Variants in THSD4 observed in about 807,000 individuals in gnomAD.
THSD4 encodes thrombospondin type 1 domain containing 4.
In THSD4, 69 loss-of-function variants were observed where a neutral mutation model predicts 119.0. The ratio of observed to expected loss-of-function variants is 0.58; its 90% CI spans 0.48 to 0.71. The LOEUF (loss-of-function observed/expected upper bound fraction) is 0.71, where lower values mean the gene tolerates loss of function less well. Ranked by LOEUF, THSD4 falls within the 30% of genes least tolerant of loss-of-function variation. The pLI, the probability that THSD4 is intolerant of heterozygous loss-of-function variation, is 0.00. For synonymous variants in THSD4, 524 were observed against 540.4 expected (o/e 0.97, Z 0.42); for missense variants, 1,393 against 1,391.1 (o/e 1.00, Z -0.02).
chr15:71,126,645 A>AATTT (rs2141357695), intron 1 of THSD4, among the ~76,000 whole-genome samples: 1 of 152,382 alleles, frequency 6.6e-6, no homozygotes, highest in Non-Finnish European at 1.5e-5. Context: ...GAGATGTGGG[A>AATTT]ATATCTCACA....
At chr15:71,521,609 T>C (rs1468430979) in intron 7 of THSD4, among the ~76,000 whole-genome samples, 1 of 152,164 alleles carries the variant, frequency 6.6e-6, no homozygotes, top group African/African-American at 2.4e-5. Flanking sequence ...CATGAACTTC[T>C]CTGCCAAATG....
intron 7 of THSD4, among the ~76,000 whole-genome samples, chr15:71,486,795 T>C (rs1162304305): frequency 6.6e-6 from 1 of 152,018 alleles, no homozygotes; most frequent in African/African-American, 2.4e-5. Flanking sequence ...AATTTTGGAG[T>C]GTGAGCTAGT....
At position 71,251,683 on chromosome 15, in the gene THSD4, T is replaced by C. The variant is rs933386342; in HGVS notation, c.913-4930T>C. Reference sequence around the variant, plus strand: ...TATCTGACGCAGGCAGCCTTCAAGGTCATGTTCCTTGGCACCGCTACATTG... The same window carrying C: ...TATCTGACGCAGGCAGCCTTCAAGGCCATGTTCCTTGGCACCGCTACATTG... On this transcript the variant is annotated intron_variant, in intron 5 of 17. Transcript: ENST00000261862. Among the ~76,000 whole-genome samples, 6 of 152,266 alleles carry C rather than the reference T, an allele frequency of 3.9e-5. No individual in the cohort carries two copies. In the South Asian group the frequency reaches 1.2e-3, roughly 32 times the overall value.
At chr15:71,467,031 C>T (rs111667327) in intron 7 of THSD4, among the ~76,000 whole-genome samples, 9 of 152,344 alleles carry the variant, frequency 5.9e-5, no homozygotes, top group African/African-American at 2.2e-4. Context: ...TTATTCAATT[C>T]AAATGGAAAG....
chr15:71,128,267 A>G (rs1360761804), intron 1 of THSD4, among the ~76,000 whole-genome samples: 1 of 151,958 alleles, frequency 6.6e-6, no homozygotes, highest in Non-Finnish European at 1.5e-5. Context: ...AGACTATAAC[A>G]TGTAATCCCA....
At chr15:71,551,086 A>T (rs118118890) in intron 7 of THSD4, among the ~76,000 whole-genome samples, 2 of 152,202 alleles carry the variant, frequency 1.3e-5, no homozygotes, top group African/African-American at 2.4e-5. Context: ...CTACTGTCCT[A>T]GTGATAAGGC....
At position 71,580,352 on chromosome 15, in the gene THSD4, A is replaced by G. The variant is rs201220060; in HGVS notation, c.1153-80178A>G. The stretch of plus-strand genomic sequence containing the variant: ...CTTTTCTTTTTCCAGATTTATTGAC[A>G]TATAATTGACAAATGATAATTGTAT... On this transcript the variant is annotated intron_variant, in intron 7 of 17. Transcript: ENST00000261862. Among the ~76,000 whole-genome samples, 9 of 152,318 alleles carry G rather than the reference A, an allele frequency of 5.9e-5. No individual in the cohort carries two copies. In the East Asian group the frequency reaches 1.7e-3, roughly 29 times the overall value.
At chr15:71,123,945 C>G (rs987861722) in intron 1 of THSD4, among the ~76,000 whole-genome samples, 1 of 152,188 alleles carries the variant, frequency 6.6e-6, no homozygotes, top group Non-Finnish European at 1.5e-5. Flanking sequence ...TGGTCGCACT[C>G]TCTCTCACAT....
intron 6 of THSD4, among the ~76,000 whole-genome samples, chr15:71,296,219 A>G (rs776313790): frequency 7.2e-5 from 11 of 152,200 alleles, no homozygotes; most frequent in Admixed American, 1.3e-4. Context: ...GTAACTTTTC[A>G]GGAAATAGCC....
intron 6 of THSD4, chr15:71,341,429 A>G (rs766475633): frequency 1.2e-5 from 19 of 1,612,904 alleles, no homozygotes; most frequent in Non-Finnish European, 1.5e-5. Context: ...TGCGTTTTTA[A>G]GCATGTGCAG....
chr15:71,292,079 A>T (rs546975017), intron 6 of THSD4, among the ~76,000 whole-genome samples: 15 of 152,314 alleles, frequency 9.8e-5, no homozygotes, highest in Admixed American at 5.2e-4. Context: ...TAATTAAACC[A>T]GTTTTGGAAA....
At chr15:71,189,256 G>A (rs2043645899) in intron 3 of THSD4, among the ~76,000 whole-genome samples, 1 of 152,138 alleles carries the variant, frequency 6.6e-6, no homozygotes, top group South Asian at 2.1e-4. Flanking sequence ...AGGTCTCTAT[G>A]AATAGTTTGA....
Position 71,669,720 on chromosome 15 carries a change from C to T in THSD4, c.1357+8986C>T, listed in dbSNP as rs996840896. Among the ~76,000 whole-genome samples, 14 of 152,298 alleles carry T rather than the reference C, an allele frequency of 9.2e-5. No individual in the cohort carries two copies. In the South Asian group the frequency reaches 1.9e-3, roughly 20 times the overall value. The stretch of plus-strand genomic sequence containing the variant: ...GTTCAGTTGCTTTCCTCCACAATTA[C>T]TTTCATCTGTTTTTGCAACAGTCCT... On this transcript the variant is annotated intron_variant, in intron 8 of 17. Coordinates refer to ENST00000261862, the MANE Select transcript of THSD4 (RefSeq NM_024817.3).
intron 3 of THSD4, among the ~76,000 whole-genome samples, chr15:71,170,675 C>A (rs1396015997): frequency 2.0e-5 from 3 of 152,108 alleles, no homozygotes; most frequent in African/African-American, 7.2e-5. Flanking sequence ...CAGGCTTGCA[C>A]AGAAGCAGAA....
intron 8 of THSD4, among the ~76,000 whole-genome samples, chr15:71,723,997 A>T (rs115268181): frequency 2.0e-5 from 3 of 150,860 alleles, no homozygotes; most frequent in African/African-American, 7.3e-5. Context: ...AGGAGGTTGC[A>T]GTGAGCAGTA....
chr15:71,185,067 A>G (rs2043585439), intron 3 of THSD4, among the ~76,000 whole-genome samples: 1 of 151,726 alleles, frequency 6.6e-6, no homozygotes, highest in African/African-American at 2.4e-5. Context: ...AGCTAAGCCC[A>G]TTGGCCACAG....
At chr15:71,217,293 A>T (rs2140252118) in intron 4 of THSD4, among the ~76,000 whole-genome samples, 1 of 152,276 alleles carries the variant, frequency 6.6e-6, no homozygotes, top group African/African-American at 2.4e-5. Context: ...GGATACAACA[A>T]AAAGATCATA....
intron 7 of THSD4, among the ~76,000 whole-genome samples, chr15:71,567,401 A>G (rs2049262178): frequency 6.6e-6 from 1 of 152,150 alleles, no homozygotes; most frequent in African/African-American, 2.4e-5. Context: ...GCCAGTAGCC[A>G]CTGTGGGCAC....
At chr15:71,278,978 G>T (rs1371115126) in intron 6 of THSD4, among the ~76,000 whole-genome samples, 1 of 152,200 alleles carries the variant, frequency 6.6e-6, no homozygotes, top group African/African-American at 2.4e-5. Context: ...CTAAAGTCAT[G>T]CTCCAGCAAA....
Sources: allele counts gnomAD v4.1 joint callset (sites outside exome capture counted in the v4.1 genomes callset), GRCh38; gene constraint gnomAD v4.1.1; transcripts MANE v1.5; gene names NCBI Gene and HGNC (gene_info 2026-07-23, HGNC 2026-07-21).